ABTB2: variants seen among roughly 807,000 people sequenced by gnomAD.
The protein encoded by ABTB2 is ankyrin repeat and BTB domain containing 2.
In ABTB2, 56 loss-of-function variants were observed where a neutral mutation model predicts 104.1. The observed-to-expected ratio is 0.54, with a 90% confidence interval of 0.43 to 0.67. The LOEUF is 0.67. Among genes scored for constraint, ABTB2 ranks in the 30% least tolerant of loss-of-function variants. ABTB2 has a pLI of 0.00. For synonymous variants in ABTB2, 606 were observed against 608.2 expected, an observed-to-expected ratio of 1.00 and a Z score of 0.05; for missense variants, 1,279 against 1,407.7, an observed-to-expected ratio of 0.91 and a Z score of 1.46.
At chr11:34,204,800 G>C in intron 1 of ABTB2, 110 bp from the exon 2 acceptor site, 1 of 1,228,304 alleles carries the variant, frequency 8.1e-7, no homozygotes. Flanking sequence ...TTGACAGAGA[G>C]AGGTTCAGGA....
chr11:34,248,088 A>ATTTTTTTTTT (rs377220875), intron 1 of ABTB2, among the ~76,000 whole-genome samples: 15 of 78,362 alleles, frequency 1.9e-4, no homozygotes, highest in South Asian at 4.0e-4. Context: ...CTTATCTATA[A>ATTTTTTTTTT]TTTTTCTTAA....
At chr11:34,338,067 G>A (rs542658052) in intron 1 of ABTB2, among the ~76,000 whole-genome samples, 6 of 152,042 alleles carry the variant, frequency 3.9e-5, no homozygotes, top group African/African-American at 7.2e-5. Flanking sequence ...ATCTAGAATC[G>A]CCGCAAGAGT....
intron 1 of ABTB2, among the ~76,000 whole-genome samples, chr11:34,205,016 G>A (rs193079028): frequency 4.4e-4 from 67 of 152,204 alleles, no homozygotes; most frequent in African/African-American, 1.6e-3. Flanking sequence ...TTTACAGAGT[G>A]CCTGACTCAG....
intron 2 of ABTB2, among the ~76,000 whole-genome samples, chr11:34,203,907 G>A (rs2133040202): frequency 6.6e-6 from 1 of 152,300 alleles, no homozygotes; most frequent in Middle Eastern, 3.4e-3. Context: ...AGCAGAGGAT[G>A]TAGTCAGATT....
intron 2 of ABTB2, among the ~76,000 whole-genome samples, chr11:34,198,458 A>C (rs1420265651): frequency 2.7e-5 from 4 of 149,318 alleles, no homozygotes; most frequent in Non-Finnish European, 5.9e-5. Context: ...CAACAACAAA[A>C]AAAAACAAAA....
intron 2 of ABTB2, among the ~76,000 whole-genome samples, chr11:34,201,842 T>C (rs1565139452): frequency 6.6e-6 from 1 of 152,202 alleles, no homozygotes; most frequent in Non-Finnish European, 1.5e-5. Context: ...CCTTTGGCCC[T>C]GAGGAGTGGC....
intron 3 of ABTB2, 75 bp from the exon 4 acceptor site, chr11:34,173,382 G>GGT: frequency 6.8e-7 from 1 of 1,473,588 alleles, no homozygotes. Context: ...TCAGGCCTGG[G>GGT]AGGGTGCTTC....
In ABTB2 at chr11:34,191,884, C is replaced by A. The variant is rs556267583; in HGVS notation, c.1244+5441G>T. Among the ~76,000 whole-genome samples the A allele has an allele frequency of 1.1e-4, 17 of 152,316 alleles. No individual in the cohort carries two copies. The East Asian group carries it at 3.3e-3, about 29-fold the overall frequency. Reference sequence around the variant, plus strand: ...CCCCATCGCCGGTCTCTCTGGGGTGCCTTGCTGCCTCTAGCCACTTGGACT... The same window carrying A: ...CCCCATCGCCGGTCTCTCTGGGGTGACTTGCTGCCTCTAGCCACTTGGACT... On this transcript the variant is annotated intron_variant, in intron 3 of 16. Coordinates refer to ENST00000435224, the MANE Select transcript of ABTB2 (RefSeq NM_145804.3).
In ABTB2 at chr11:34,356,640, A is replaced by C. The variant is rs1240602391; in HGVS notation, c.883+61T>G. The stretch of plus-strand genomic sequence containing the variant: ...TTTGTCTCAGGAAATTCACTCCCCC[A>C]GTAGCCCAGGGCGGGATTTCTTGCC... On this transcript the variant is annotated intron_variant, in intron 1 of 16. Transcript: ENST00000435224. The surrounding 1 kb of genome is among the most constrained non-coding windows in gnomAD (Gnocchi z 4.6). The C allele has an allele frequency of 6.1e-6, 9 of 1,472,008 alleles. No individual in the cohort carries two copies. The highest frequency in any genetic ancestry group is 4.5e-6 in the Non-Finnish European group (5 of 1,104,508). 91.2% of individuals were successfully genotyped at this position (1,472,008 alleles called of 1,614,324 possible). A position where few individuals can be genotyped will look rare whatever the true frequency, so the allele number is the denominator to read the frequency against.
At chr11:34,297,796 G>GAAAAACAAAT (rs1554923796) in intron 1 of ABTB2, among the ~76,000 whole-genome samples, 3 of 123,072 alleles carry the variant, frequency 2.4e-5, no homozygotes, top group Non-Finnish European at 3.4e-5. Flanking sequence ...AAAAATAAAG[G>GAAAAACAAAT]AAAGAAAAAG....
chr11:34,216,982 T>C (rs1853557803), intron 1 of ABTB2, among the ~76,000 whole-genome samples: 1 of 152,224 alleles, frequency 6.6e-6, no homozygotes, highest in African/African-American at 2.4e-5. Flanking sequence ...GGCAATGACC[T>C]GATAACCTGG....
intron 1 of ABTB2, among the ~76,000 whole-genome samples, chr11:34,344,299 G>T (rs1855302537): frequency 6.6e-6 from 1 of 152,206 alleles, no homozygotes; most frequent in African/African-American, 2.4e-5. Flanking sequence ...TGCCTACAAA[G>T]AAGCTGGAAA....
At chr11:34,220,215 A>G (rs796330552) in intron 1 of ABTB2, among the ~76,000 whole-genome samples, 43 of 152,352 alleles carry the variant, frequency 2.8e-4, no homozygotes, top group African/African-American at 1.0e-3. Context: ...AAGAAGTAAG[A>G]AAACGATCAC....
chr11:34,269,661 C>A (rs975690633), intron 1 of ABTB2, among the ~76,000 whole-genome samples: 8 of 152,222 alleles, frequency 5.3e-5, no homozygotes, highest in Admixed American at 3.9e-4. Context: ...TTGAACTTCA[C>A]ACAAATGCCA....
intron 3 of ABTB2, among the ~76,000 whole-genome samples, chr11:34,192,016 T>C (rs1031855274): frequency 1.4e-4 from 22 of 152,300 alleles, no homozygotes; most frequent in African/African-American, 5.1e-4. Flanking sequence ...AGTGAGCAGG[T>C]GCAGTGGCTC....
intron 3 of ABTB2, among the ~76,000 whole-genome samples, chr11:34,175,166 C>T (rs929882857): frequency 6.6e-6 from 1 of 152,184 alleles, no homozygotes; most frequent in Admixed American, 6.5e-5. Flanking sequence ...TCCAAAAGCT[C>T]GGGTCATCTC....
chr11:34,274,893 T>C (rs188851302), intron 1 of ABTB2, among the ~76,000 whole-genome samples: 6 of 152,234 alleles, frequency 3.9e-5, no homozygotes, highest in African/African-American at 1.4e-4. Flanking sequence ...CAGGCAGAGG[T>C]TGCCAGCCAT....
intron 3 of ABTB2, among the ~76,000 whole-genome samples, chr11:34,184,197 G>A (rs1853065593): frequency 1.3e-5 from 2 of 152,070 alleles, no homozygotes; most frequent in Admixed American, 1.3e-4. Flanking sequence ...TTCATTCCTA[G>A]AAGCTTGAGT....
chr11:34,303,673 C>T (rs556608098), intron 1 of ABTB2, among the ~76,000 whole-genome samples: 34 of 130,622 alleles, frequency 2.6e-4, no homozygotes, highest in South Asian at 4.9e-4. Flanking sequence ...GACAGAGTCT[C>T]GCTCTGTAGG....
Sources: gnomAD v4.1 joint callset for allele counts (sites outside exome capture counted in the v4.1 genomes callset) on GRCh38, gnomAD v4.1.1 for gene constraint, Gnocchi (gnomAD v3.1) non-coding constraint, MANE v1.5 for transcripts, NCBI Gene and HGNC (gene_info 2026-07-23, HGNC 2026-07-21) for gene names.